DISC1: variants seen among roughly 807,000 people sequenced by gnomAD.
DISC1 encodes DISC1 scaffold protein.
A neutral mutation model predicts 84.5 loss-of-function variants in DISC1; 57 were observed. The observed-to-expected ratio is 0.67, with a 90% CI of 0.55 to 0.84. The LOEUF is 0.84. Ranked by LOEUF, DISC1 falls within the 40% of genes least tolerant of loss-of-function variation. The pLI, the probability that DISC1 is intolerant of heterozygous loss-of-function variation, is 0.00. For synonymous variants in DISC1, 411 were observed against 415.2 expected (o/e 0.99, Z 0.12); for missense variants, 1,000 against 1,057.8 (o/e 0.95, Z 0.76).
chr1:231,895,327 C>T (rs1018308399), intron 9 of DISC1, among the ~76,000 whole-genome samples: 16 of 151,182 alleles, frequency 1.1e-4, no homozygotes, highest in African/African-American at 3.6e-4. Context: ...AATATAAAGC[C>T]TCATAAATAT....
intron 9 of DISC1, among the ~76,000 whole-genome samples, chr1:231,918,000 C>T (rs1256433343): frequency 6.6e-6 from 1 of 152,208 alleles, no homozygotes; most frequent in East Asian, 1.9e-4. Flanking sequence ...ACACTACAAA[C>T]ACTAAAACAG....
intron 1 of DISC1, among the ~76,000 whole-genome samples, chr1:231,641,537 A>G (rs1202863898): frequency 6.6e-6 from 1 of 152,204 alleles, no homozygotes; most frequent in Non-Finnish European, 1.5e-5. Flanking sequence ...GGTTTGTTGC[A>G]AACAGCGAAA....
chr1:231,818,308 C>A, intron 8 of DISC1, 21 bp from the exon 9 acceptor site: 1 of 1,612,248 alleles, frequency 6.2e-7, no homozygotes, highest in Non-Finnish European at 8.5e-7. Flanking sequence ...TTCCCTTCTT[C>A]TCTCCCACAA....
intron 1 of DISC1, chr1:231,629,388 C>T (rs2058523636): frequency 6.5e-6 from 1 of 153,190 alleles, no homozygotes. Context: ...GCAGGAAGTT[C>T]ATTGCTCACC....
At chr1:231,942,526 G>A (rs750716704) in intron 9 of DISC1, among the ~76,000 whole-genome samples, 13 of 152,114 alleles carry the variant, frequency 8.5e-5, no homozygotes, top group African/African-American at 1.9e-4. Flanking sequence ...TTAGCCTGGC[G>A]TGGTGTCACA....
chr1:231,639,308 T>C (rs1487846813), intron 1 of DISC1, among the ~76,000 whole-genome samples: 1 of 152,174 alleles, frequency 6.6e-6, no homozygotes, highest in Non-Finnish European at 1.5e-5. Flanking sequence ...TCAAAGCACA[T>C]TATCATGATT....
chr1:231,846,084 C>T (rs1246115722), intron 9 of DISC1, among the ~76,000 whole-genome samples: 1 of 152,034 alleles, frequency 6.6e-6, no homozygotes, highest in Non-Finnish European at 1.5e-5. Flanking sequence ...CAGATTATAC[C>T]TGAAGGTAGA....
chr1:231,875,744 C>G (rs1414158976), intron 9 of DISC1, among the ~76,000 whole-genome samples: 1 of 152,168 alleles, frequency 6.6e-6, no homozygotes, highest in Non-Finnish European at 1.5e-5. Flanking sequence ...TGTGGCTTGG[C>G]TTTGCTCTTC....
intron 9 of DISC1, among the ~76,000 whole-genome samples, chr1:231,943,557 C>T (rs756464276): frequency 6.6e-6 from 1 of 152,068 alleles, no homozygotes; most frequent in Non-Finnish European, 1.5e-5. Context: ...TCTTGGTTAT[C>T]CTAGCAAGGG....
chr1:231,648,190 A>G (rs2060297008), intron 1 of DISC1, among the ~76,000 whole-genome samples: 1 of 152,144 alleles, frequency 6.6e-6, no homozygotes. Context: ...GATATTGGCT[A>G]TGGGTTTGTC....
chr1:231,780,798 G>T, intron 6 of DISC1, among the ~76,000 whole-genome samples: 1 of 95,774 alleles, frequency 1.0e-5, no homozygotes, highest in Non-Finnish European at 2.1e-5. Context: ...AAGAAAATGT[G>T]GCACATATAC....
At chr1:232,020,234 C>T (rs1401860995) in intron 11 of DISC1, among the ~76,000 whole-genome samples, 1 of 151,932 alleles carries the variant, frequency 6.6e-6, no homozygotes, top group Non-Finnish European at 1.5e-5. Flanking sequence ...CCCAGCTACT[C>T]GGGAGGCTGA....
rs1189116320 is a variant in DISC1, at chr1:231,906,331, G to A, written c.1982-52497G>A. On this transcript the variant is annotated intron_variant, in intron 9 of 12. Coordinates refer to ENST00000439617, the MANE Select transcript of DISC1 (RefSeq NM_018662.3). ...GTCACCATGCCCGGTCAAGGGCATG[G>A]ATTTTGATCCATGAATCAGTGAGAG... 2.0e-5 allele frequency among the ~76,000 whole-genome samples: 3 copies of A among 152,300 alleles called. 1 individual carries two copies. Among genetic ancestry groups the A allele is most frequent in the African/African-American group, 7.2e-5 (3 of 41,570 alleles).
intron 3 of DISC1, among the ~76,000 whole-genome samples, chr1:231,710,972 T>C (rs990057973): frequency 3.3e-5 from 5 of 152,230 alleles, no homozygotes; most frequent in African/African-American, 1.2e-4. Flanking sequence ...TTGAATAATT[T>C]AGTTTGACTA....
intron 10 of DISC1, among the ~76,000 whole-genome samples, chr1:231,994,610 T>C (rs1010672277): frequency 1.3e-5 from 2 of 152,170 alleles, no homozygotes; most frequent in African/African-American, 2.4e-5. Context: ...TGAAGTAATA[T>C]ATGTACAACC....
intron 8 of DISC1, among the ~76,000 whole-genome samples, chr1:231,806,477 C>T (rs1036993679): frequency 3.3e-5 from 5 of 152,202 alleles, no homozygotes; most frequent in African/African-American, 7.2e-5. Context: ...TCTCCCAGAG[C>T]TGGGCCACAT....
chr1:231,992,446 C>T (rs1195740956), intron 10 of DISC1, among the ~76,000 whole-genome samples: 1 of 152,000 alleles, frequency 6.6e-6, no homozygotes, highest in Non-Finnish European at 1.5e-5. Flanking sequence ...ATATTTTTTT[C>T]TAATATGTCA....
chr1:231,944,802 G>A (rs1656821413), intron 9 of DISC1: 1 of 152,144 alleles, frequency 6.6e-6, no homozygotes, highest in Non-Finnish European at 1.5e-5. Context: ...CCTAATCTCT[G>A]ATAAAATAGA....
chr1:231,889,861 A>G (rs989004889), intron 9 of DISC1, among the ~76,000 whole-genome samples: 1 of 152,136 alleles, frequency 6.6e-6, no homozygotes, highest in East Asian at 1.9e-4. Flanking sequence ...CAATTGTGAC[A>G]AATATCAGGA....
Sources: gnomAD v4.1 joint callset for allele counts (sites outside exome capture counted in the v4.1 genomes callset) on GRCh38, gnomAD v4.1.1 for gene constraint, MANE v1.5 for transcripts, NCBI Gene and HGNC (gene_info 2026-07-23, HGNC 2026-07-21) for gene names.